EGFR: variants seen among roughly 807,000 people sequenced by gnomAD.
The protein encoded by EGFR is epidermal growth factor receptor, also known as avian erythroblastic leukemia viral (v-erb-b) oncogene homolog.
Under a neutral mutation model 143.0 loss-of-function variants are expected in EGFR, and 58 were observed. The ratio of observed to expected loss-of-function variants is 0.41; its 90% CI spans 0.33 to 0.50. EGFR has a LOEUF of 0.50. Ranked by LOEUF, EGFR falls within the 20% of genes least tolerant of loss-of-function variation. EGFR has a pLI of 0.39. For synonymous variants in EGFR, 613 were observed against 594.4 expected (o/e 1.03, Z -0.45); for missense variants, 1,307 against 1,579.0 (o/e 0.83, Z 2.92).
At chr7:55,056,761 G>C (rs1194229737) in intron 1 of EGFR, among the ~76,000 whole-genome samples, 1 of 152,234 alleles carries the variant, frequency 6.6e-6, no homozygotes, top group Non-Finnish European at 1.5e-5. Context: ...GTGTGAAAAA[G>C]ATCTGGGTGT....
In EGFR at chr7:55,163,746, T is replaced by C; in HGVS notation, c.1645T>C (p.Phe549Leu). ...CNLLEGEPRE[F>L]VENSECIQCH... ...TCCTCCTCTCAGTGAGCCAAGGGAG[T>C]TTGTGGAGAACTCTGAGTGCATACA... Residue 549 changes from phenylalanine to leucine, a missense_variant, in exon 14 of 28, where the codon TTT becomes CTT. Coordinates refer to ENST00000275493, the MANE Select transcript of EGFR (RefSeq NM_005228.5). 6 of 1,614,012 alleles carry C rather than the reference T, an allele frequency of 3.7e-6. No homozygotes were observed. Among genetic ancestry groups the C allele is most frequent in the Non-Finnish European group, 5.1e-6 (6 of 1,180,006 alleles).
chr7:55,174,625 G>A (rs898672748), intron 18 of EGFR, 97 bp from the exon 19 acceptor site: 7 of 1,053,878 alleles, frequency 6.6e-6, no homozygotes, highest in Middle Eastern at 2.0e-4. Context: ...CCTCACCTTC[G>A]GGGTGCATCG....
chr7:55,045,923 G>A (rs537380939), intron 1 of EGFR, among the ~76,000 whole-genome samples: 2 of 152,250 alleles, frequency 1.3e-5, no homozygotes, highest in Admixed American at 6.5e-5. Flanking sequence ...GAAGACTTAG[G>A]ACAAGGAAAA....
intron 16 of EGFR, 74 bp from the exon 17 acceptor site, chr7:55,172,909 G>A (rs1207499974): frequency 6.2e-7 from 1 of 1,613,124 alleles, no homozygotes; most frequent in Non-Finnish European, 8.5e-7. Context: ...GAAACATGCA[G>A]GGGCGTGTTG....
At chr7:55,162,044 G>C (rs1239343886) in intron 13 of EGFR, among the ~76,000 whole-genome samples, 1 of 152,188 alleles carries the variant, frequency 6.6e-6, no homozygotes, top group Non-Finnish European at 1.5e-5. Context: ...ATATTGCCAA[G>C]TTAATATCTG....
intron 1 of EGFR, among the ~76,000 whole-genome samples, chr7:55,032,030 C>T (rs1787278719): frequency 6.6e-6 from 1 of 152,164 alleles, no homozygotes; most frequent in Non-Finnish European, 1.5e-5. Context: ...AGAAGTTTTG[C>T]AGGCTTGGTG....
intron 15 of EGFR, among the ~76,000 whole-genome samples, chr7:55,168,146 C>T (rs1043974262): frequency 6.6e-6 from 1 of 152,068 alleles, no homozygotes; most frequent in Admixed American, 6.5e-5. Flanking sequence ...TTTGTGAGCT[C>T]GATGAAGCAT....
intron 1 of EGFR, among the ~76,000 whole-genome samples, chr7:55,118,693 C>G (rs1584086550): frequency 6.6e-6 from 1 of 152,216 alleles, no homozygotes; most frequent in South Asian, 2.1e-4. Context: ...CCATGGGTGA[C>G]AGCTCCAGGG....
chr7:55,039,969 T>A (rs1204183585), intron 1 of EGFR, among the ~76,000 whole-genome samples: 1 of 152,230 alleles, frequency 6.6e-6, no homozygotes, highest in Non-Finnish European at 1.5e-5. Context: ...GTAGTCATAG[T>A]TCTCTTACTG....
intron 3 of EGFR, 77 bp downstream of exon 3, chr7:55,143,565 C>T: frequency 1.3e-6 from 2 of 1,522,330 alleles, no homozygotes; most frequent in African/African-American, 2.7e-5. Flanking sequence ...GAGCTTGTCA[C>T]TCAATTCCAC....
At chr7:55,095,912 A>C (rs764420415) in intron 1 of EGFR, among the ~76,000 whole-genome samples, 3 of 151,844 alleles carry the variant, frequency 2.0e-5, no homozygotes, top group Admixed American at 6.6e-5. Context: ...AGAGACATAC[A>C]TACAATACAC....
chr7:55,142,165 G>A lies in EGFR; in HGVS notation c.89-121G>A. Reference sequence around the variant, plus strand: ...AGATGACCTGGGCAGGAATGGGTGAGTCTCTGTGTGGAGAGAGTGAAGAAA... The same window carrying A: ...AGATGACCTGGGCAGGAATGGGTGAATCTCTGTGTGGAGAGAGTGAAGAAA... On this transcript the variant is annotated intron_variant, in intron 1 of 27. Coordinates refer to ENST00000275493, the MANE Select transcript of EGFR (RefSeq NM_005228.5). 5 of 1,216,198 alleles carry A rather than the reference G, an allele frequency of 4.1e-6. No individual in the cohort carries two copies. In the South Asian group the frequency reaches 6.3e-5, roughly 15 times the overall value. The allele number at this position is 1,216,198 out of a possible 1,614,324, so 75.3% of individuals were successfully genotyped here. A position where few individuals can be genotyped will look rare whatever the true frequency, so the allele number is the denominator to read the frequency against.
rs1428229665 is a variant in EGFR, at chr7:55,155,939, C to T, written c.999C>T (p.Cys333=). The change falls in exon 8 of 28, where the codon TGC becomes TGT. Residue 333 remains cysteine, a synonymous_variant. Transcript: ENST00000275493. The part of the protein sequence containing the change: ...VRKCKKCEGP[C]RKVCNGIGIG... ...AGTGTAAGAAGTGCGAAGGGCCTTGCCGCAAAGGTAGGAAGCCCGCCGGTG... is the reference window on the plus strand; with the variant it reads ...AGTGTAAGAAGTGCGAAGGGCCTTGTCGCAAAGGTAGGAAGCCCGCCGGTG... 3 of 1,612,580 alleles carry T rather than the reference C, an allele frequency of 1.9e-6. No individual in the cohort carries two copies. The highest frequency in any genetic ancestry group is 1.1e-5 in the South Asian group (1 of 90,968).
intron 1 of EGFR, among the ~76,000 whole-genome samples, chr7:55,038,037 C>T (rs994912680): frequency 2.6e-5 from 4 of 152,114 alleles, no homozygotes; most frequent in African/African-American, 9.7e-5. Flanking sequence ...TACTGGAGTC[C>T]TAAAACACTT....
Position 55,032,545 on chromosome 7 carries a change from G to A in EGFR, c.88+13180G>A, listed in dbSNP as rs556885625. On this transcript the variant is annotated intron_variant, in intron 1 of 27. Coordinates refer to ENST00000275493, the MANE Select transcript of EGFR (RefSeq NM_005228.5). ...ACTGAATGAGGACGCAGATGACCCGGACGTGTTCACAGTTTGACACATCTG... is the reference window on the plus strand; with the variant it reads ...ACTGAATGAGGACGCAGATGACCCGAACGTGTTCACAGTTTGACACATCTG... Among the ~76,000 whole-genome samples the A allele has an allele frequency of 2.7e-3, 404 of 152,300 alleles. 2 individuals carry two copies. The highest frequency in any genetic ancestry group is 5.7e-3 in the Admixed American group (88 of 15,308).
At chr7:55,123,506 C>T (rs1253083614) in intron 1 of EGFR, among the ~76,000 whole-genome samples, 1 of 152,058 alleles carries the variant, frequency 6.6e-6, no homozygotes, top group African/African-American at 2.4e-5. Flanking sequence ...GGTGTAGCAT[C>T]TGTAGGAAAT....
rs761495014 is a variant in EGFR, at chr7:55,160,160, C to G, written c.1320C>G (p.Val440=). The G allele has an allele frequency of 6.8e-6, 11 of 1,614,128 alleles. No homozygotes were observed. The highest frequency in any genetic ancestry group is 9.3e-6 in the Non-Finnish European group (11 of 1,180,030). Residue 440 remains valine, a synonymous_variant, in exon 12 of 28, where the codon GTC becomes GTG. Transcript: ENST00000275493. ...GTAGTGGTCAGTTTTCTCTTGCAGT[C>G]GTCAGCCTGAACATAACATCCTTGG... ...TKQHGQFSLA[V]VSLNITSLGL... is the part of the protein sequence containing the mutation.
At chr7:55,160,985 A>G (rs989636915) in intron 12 of EGFR, among the ~76,000 whole-genome samples, 1 of 152,234 alleles carries the variant, frequency 6.6e-6, no homozygotes, top group African/African-American at 2.4e-5. Flanking sequence ...CACAGCACAC[A>G]GCCAATGGCC....
chr7:55,157,899 C>T, intron 11 of EGFR, 146 bp downstream of exon 11: 1 of 839,486 alleles, frequency 1.2e-6, no homozygotes, highest in South Asian at 1.4e-5. Context: ...TGAGCAGGCA[C>T]AGGGAGCAAG....
Sources: allele counts gnomAD v4.1 joint callset (sites outside exome capture counted in the v4.1 genomes callset), GRCh38; gene constraint gnomAD v4.1.1; transcripts MANE v1.5; gene names NCBI Gene and HGNC (gene_info 2026-07-23, HGNC 2026-07-21).